Variants in B4GALT1 observed in about 807,000 individuals in gnomAD.
B4GALT1 encodes the protein beta-1,4-galactosyltransferase 1, also known as N-acetyllactosamine synthase.
In B4GALT1, 16 loss-of-function variants were observed where a neutral mutation model predicts 34.9. The observed-to-expected ratio is 0.46, with a 90% CI of 0.31 to 0.70. The LOEUF (loss-of-function observed/expected upper bound fraction) is 0.70, where lower values mean the gene tolerates loss of function less well. Ranked by LOEUF, B4GALT1 falls within the 30% of genes least tolerant of loss-of-function variation. B4GALT1 has a pLI of 0.05. For missense variants in B4GALT1, 445 were observed against 530.5 expected, an observed-to-expected ratio of 0.84 and a Z score of 1.58; for synonymous variants, 221 against 218.1, an observed-to-expected ratio of 1.01 and a Z score of -0.12.
At position 33,120,205 on chromosome 9, in the gene B4GALT1, A is replaced by G. The variant is rs1969977; in HGVS notation, c.836+214T>C. ...TCTCAAAAAACAAACAAAAAAAAAAAAGGGGGGAAAATTTGTTTTTGTCTG... is the reference window on the plus strand; with the variant it reads ...TCTCAAAAAACAAACAAAAAAAAAAGAGGGGGGAAAATTTGTTTTTGTCTG... On this transcript the variant is annotated intron_variant, in intron 3 of 5. Transcript: ENST00000379731. Among the ~76,000 whole-genome samples the G allele has an allele frequency of 0.26, 38,637 of 151,356 alleles. 5,231 individuals are homozygous for G. The highest frequency in any genetic ancestry group is 0.52 in the East Asian group (2,677 of 5,116).
At chr9:33,138,261 C>A (rs1248066974) in intron 1 of B4GALT1, among the ~76,000 whole-genome samples, 1 of 152,208 alleles carries the variant, frequency 6.6e-6, no homozygotes, top group Non-Finnish European at 1.5e-5. Flanking sequence ...TCCAGCTCCA[C>A]CAGTGACTTT....
At chr9:33,108,907 TG>T (rs1259270047), downstream of B4GALT1, 13 of 34,474 alleles carry the variant, frequency 3.8e-4, no homozygotes, top group Non-Finnish European at 1.3e-3. Context: ...CTAATATTTA[TG>T]CTAGGAGAAT....
intron 2 of B4GALT1, among the ~76,000 whole-genome samples, chr9:33,123,177 C>A (rs375455664): frequency 5.3e-4 from 78 of 147,590 alleles, no homozygotes; most frequent in African/African-American, 1.8e-3. Context: ...ACTCAGGAGG[C>A]TGAGGCAGGA....
the B4GALT1 span, chr9:33,179,069 G>T: frequency 6.6e-6 from 1 of 152,218 alleles, no homozygotes; most frequent in Non-Finnish European, 1.5e-5. Context: ...AAAGCCTGTG[G>T]TTGGAATGGT....
In B4GALT1 at chr9:33,113,167, CA is replaced by C; in HGVS notation, c.*286del. 2.2e-6 allele frequency: 1 copy of C among 454,130 alleles called. No individual in the cohort carries two copies. Among genetic ancestry groups the C allele is most frequent in the Non-Finnish European group, 4.0e-6 (1 of 248,540 alleles). 28.1% of individuals were successfully genotyped at this position (454,130 alleles called of 1,614,324 possible). A position where few individuals can be genotyped will look rare whatever the true frequency, so the allele number is the denominator to read the frequency against. On this transcript the variant is annotated 3_prime_UTR_variant, in exon 6 of 6. Transcript: ENST00000379731. ...CACCGGGAATGTGTTCCACGGCCAC[CA>C]AATTTTGGGATGTGTACAGTTCTGA...
intron 2 of B4GALT1, among the ~76,000 whole-genome samples, chr9:33,127,352 G>T (rs143823544): frequency 2.6e-5 from 4 of 152,338 alleles, no homozygotes; most frequent in Admixed American, 1.3e-4. Context: ...TGGAGACGTG[G>T]CTTTCCGCAG....
At chr9:33,121,393 T>A (rs957654916) in intron 2 of B4GALT1, among the ~76,000 whole-genome samples, 20 of 152,174 alleles carry the variant, frequency 1.3e-4, no homozygotes, top group African/African-American at 4.6e-4. Flanking sequence ...GATGGAGTCT[T>A]GCTTCATCAC....
At position 33,166,617 on chromosome 9, in the gene B4GALT1, T is replaced by C. The variant is rs10971433; in HGVS notation, c.412+141A>G. Reference sequence around the variant, plus strand: ...TCTCTCCCATCCAGTCCCAAGCCTCTGTCTGGGATTTAAAACTCTGATCCA... The same window carrying C: ...TCTCTCCCATCCAGTCCCAAGCCTCCGTCTGGGATTTAAAACTCTGATCCA... On this transcript the variant is annotated intron_variant, in intron 1 of 5. Transcript: ENST00000379731. The C allele has an allele frequency of 0.054, 57,718 of 1,074,142 alleles. 1,841 individuals carry two copies. The highest frequency in any genetic ancestry group is 0.064 in the Non-Finnish European group (50,250 of 784,332). 66.5% of individuals were successfully genotyped at this position (1,074,142 alleles called of 1,614,324 possible).
chr9:33,119,711 G>A (rs895484300), intron 3 of B4GALT1, among the ~76,000 whole-genome samples: 5 of 152,078 alleles, frequency 3.3e-5, no homozygotes, highest in South Asian at 2.1e-4. Context: ...GCAAGACCCT[G>A]TCTCAAAAAC....
At chr9:33,138,990 G>A (rs1208395058) in intron 1 of B4GALT1, among the ~76,000 whole-genome samples, 3 of 151,168 alleles carry the variant, frequency 2.0e-5, no homozygotes, top group Non-Finnish European at 3.0e-5. Flanking sequence ...ACACACACAC[G>A]CCCACTCGCT....
chr9:33,183,558 C>G, the B4GALT1 span, among the ~76,000 whole-genome samples: 1 of 136,444 alleles, frequency 7.3e-6, no homozygotes, highest in African/African-American at 2.8e-5. Context: ...ACCGCATATT[C>G]TCACTCATAG....
intron 2 of B4GALT1, among the ~76,000 whole-genome samples, chr9:33,120,866 C>T (rs571134961): frequency 1.1e-4 from 16 of 152,156 alleles, no homozygotes; most frequent in African/African-American, 3.6e-4. Flanking sequence ...TTCATCATAA[C>T]AAAAGACTGC....
chr9:33,108,678 CTG>C (rs944053171), downstream of B4GALT1: 3 of 151,754 alleles, frequency 2.0e-5, no homozygotes, highest in South Asian at 4.2e-4. Flanking sequence ...CTCTGTGTGT[CTG>C]TGTGGATATG....
At chr9:33,173,505 A>G in the B4GALT1 span, among the ~76,000 whole-genome samples, 1 of 152,188 alleles carries the variant, frequency 6.6e-6, no homozygotes, top group Non-Finnish European at 1.5e-5. Context: ...GGAGAAAACT[A>G]AAATGAATCC....
In B4GALT1 at chr9:33,166,661, T is replaced by C. The variant is rs1048841847; in HGVS notation, c.412+97A>G. The C allele has an allele frequency of 5.2e-5, 68 of 1,307,982 alleles. No individual in the cohort carries two copies. The Middle Eastern group carries it at 2.1e-3, about 41-fold the overall frequency. 81.0% of individuals were successfully genotyped at this position (1,307,982 alleles called of 1,614,324 possible). A position where few individuals can be genotyped will look rare whatever the true frequency, so the allele number is the denominator to read the frequency against. Reference sequence around the variant, plus strand: ...TGATCCAGAAGAGGGAGGCTGGCTGTCGTAGAAGAGCCAGCCTGAGGGAAT... The same window carrying C: ...TGATCCAGAAGAGGGAGGCTGGCTGCCGTAGAAGAGCCAGCCTGAGGGAAT... On this transcript the variant is annotated intron_variant, in intron 1 of 5. Coordinates refer to ENST00000379731, the MANE Select transcript of B4GALT1 (RefSeq NM_001497.4).
At chr9:33,124,075 C>T (rs1027329295) in intron 2 of B4GALT1, among the ~76,000 whole-genome samples, 1 of 152,194 alleles carries the variant, frequency 6.6e-6, no homozygotes, top group Non-Finnish European at 1.5e-5. Flanking sequence ...ACCAGGCCAG[C>T]AGAACAGTGG....
At chr9:33,182,896 C>T in the B4GALT1 span, among the ~76,000 whole-genome samples, 1 of 151,974 alleles carries the variant, frequency 6.6e-6, no homozygotes, top group Non-Finnish European at 1.5e-5. Flanking sequence ...TCCAAGTTCC[C>T]ATCACCCCAC....
chr9:33,107,103 A>C (rs1203102659), downstream of B4GALT1, among the ~76,000 whole-genome samples: 1 of 152,018 alleles, frequency 6.6e-6, no homozygotes, highest in Admixed American at 6.5e-5. Flanking sequence ...CACTCATAAC[A>C]ACCTCCTCTG....
At chr9:33,147,583 A>G (rs1001376107) in intron 1 of B4GALT1, among the ~76,000 whole-genome samples, 3 of 152,180 alleles carry the variant, frequency 2.0e-5, no homozygotes, top group Non-Finnish European at 4.4e-5. Context: ...GTAGAGGATA[A>G]GGTGTCATAA....
Sources: gnomAD v4.1 joint callset for allele counts (sites outside exome capture counted in the v4.1 genomes callset) on GRCh38, gnomAD v4.1.1 for gene constraint, MANE v1.5 for transcripts, NCBI Gene and HGNC (gene_info 2026-07-23, HGNC 2026-07-21) for gene names.